Variants in CACNA2D1 observed in about 807,000 individuals in gnomAD.
The protein encoded by CACNA2D1 is voltage-dependent calcium channel subunit alpha-2/delta-1.
CACNA2D1 carries 53 observed loss-of-function variants against 171.5 expected under a neutral mutation model. That is an observed-to-expected ratio of 0.31 (90% CI 0.25 to 0.39). The LOEUF is 0.39. CACNA2D1 is among the 10% of genes least tolerant of loss of function. The pLI is 1.00. For synonymous variants in CACNA2D1, 442 were observed against 443.1 expected, an observed-to-expected ratio of 1.00 and a Z score of 0.03; for missense variants, 903 against 1,299.8, an observed-to-expected ratio of 0.69 and a Z score of 4.69.
In CACNA2D1 at chr7:82,174,169, GAA is replaced by G. The variant is rs5885274; in HGVS notation, c.295-3562_295-3561del. ...TATCCTGTAACAATAACTTACTTCA[GAA>G]AAAAAAAAATAAAAAACAGAACACT... On this transcript the variant is annotated intron_variant, in intron 3 of 38. Transcript: ENST00000356860. Among the ~76,000 whole-genome samples, 11 of 147,346 alleles carry G rather than the reference GAA, an allele frequency of 7.5e-5. No homozygotes were observed. In the East Asian group the frequency reaches 9.9e-4, roughly 13 times the overall value.
At chr7:82,399,703 C>T (rs1383498449) in intron 1 of CACNA2D1, among the ~76,000 whole-genome samples, 2 of 141,502 alleles carry the variant, frequency 1.4e-5, no homozygotes, top group Non-Finnish European at 1.5e-5. Context: ...CCCCCAGCCC[C>T]CACCCCCACC....
chr7:82,331,569 T>C (rs375105929), intron 3 of CACNA2D1, among the ~76,000 whole-genome samples: 3 of 152,334 alleles, frequency 2.0e-5, no homozygotes, highest in East Asian at 3.9e-4. Context: ...TGAAATAAAA[T>C]TGAACTATTC....
chr7:82,185,993 C>A (rs1293074717), intron 3 of CACNA2D1, among the ~76,000 whole-genome samples: 1 of 151,746 alleles, frequency 6.6e-6, no homozygotes, highest in Non-Finnish European at 1.5e-5. Context: ...CCCATCTCTA[C>A]TAATAATACA....
intron 3 of CACNA2D1, among the ~76,000 whole-genome samples, chr7:82,214,681 A>T (rs1049568049): frequency 2.6e-5 from 4 of 152,202 alleles, no homozygotes; most frequent in African/African-American, 9.6e-5. Context: ...AAAGCATTGT[A>T]AATGACTGCA....
chr7:82,348,925 T>G (rs1819552356), intron 2 of CACNA2D1, among the ~76,000 whole-genome samples: 1 of 152,166 alleles, frequency 6.6e-6, no homozygotes, highest in African/African-American at 2.4e-5. Context: ...TACATGTAAA[T>G]GCTCTTACCC....
intron 3 of CACNA2D1, among the ~76,000 whole-genome samples, chr7:82,211,215 A>C (rs2129225277): frequency 6.6e-6 from 1 of 151,988 alleles, no homozygotes; most frequent in South Asian, 2.1e-4. Context: ...TCTTTTTCAA[A>C]TATTATTTTA....
At chr7:82,130,791 C>CT (rs71093363) in intron 5 of CACNA2D1, among the ~76,000 whole-genome samples, 7,244 of 105,492 alleles carry the variant, frequency 0.069, 485 homozygotes, top group African/African-American at 0.092. Context: ...TTGTTTTTGT[C>CT]TTTTTTTTTT....
intron 38 of CACNA2D1, among the ~76,000 whole-genome samples, chr7:81,952,531 T>G (rs1792726040): frequency 1.3e-5 from 2 of 152,184 alleles, no homozygotes; most frequent in South Asian, 4.1e-4. Flanking sequence ...TCATCCTCTT[T>G]GACCTTTCAG....
chr7:82,161,934 G>A (rs977212018), intron 4 of CACNA2D1, among the ~76,000 whole-genome samples: 6 of 152,002 alleles, frequency 3.9e-5, no homozygotes, highest in Non-Finnish European at 7.4e-5. Flanking sequence ...AAAGGAAAAG[G>A]TACCAATAAA....
At chr7:82,002,748 C>T (rs1377210487) in intron 18 of CACNA2D1, among the ~76,000 whole-genome samples, 1 of 151,946 alleles carries the variant, frequency 6.6e-6, no homozygotes, top group Non-Finnish European at 1.5e-5. Flanking sequence ...ATTCAACATA[C>T]GTCAAAATGT....
chr7:81,969,381 T>C (rs868438076), intron 28 of CACNA2D1, among the ~76,000 whole-genome samples: 3 of 151,542 alleles, frequency 2.0e-5, no homozygotes, highest in African/African-American at 4.8e-5. Context: ...TCTCTGAACT[T>C]GTTTCCCCAT....
At chr7:82,365,069 C>T (rs1821528965) in intron 1 of CACNA2D1, among the ~76,000 whole-genome samples, 2 of 151,958 alleles carry the variant, frequency 1.3e-5, no homozygotes, top group South Asian at 4.2e-4. Context: ...ATTCAGATAA[C>T]CCAAAGGAAA....
chr7:82,226,728 T>C (rs1251405759), intron 3 of CACNA2D1, among the ~76,000 whole-genome samples: 1 of 152,246 alleles, frequency 6.6e-6, no homozygotes, highest in African/African-American at 2.4e-5. Context: ...AGATTGATCC[T>C]ATAATATTAG....
At chr7:82,106,909 C>T (rs750298868) in intron 6 of CACNA2D1, among the ~76,000 whole-genome samples, 3 of 152,072 alleles carry the variant, frequency 2.0e-5, no homozygotes, top group Non-Finnish European at 4.4e-5. Flanking sequence ...GGGTTCAATA[C>T]CAAGATTAAC....
rs1267786859 is a variant in CACNA2D1 at position 81,948,753 on chromosome 7, G to A, written c.*1639C>T. The A allele has an allele frequency of 1.3e-5, 2 of 151,752 alleles. No homozygotes were observed. The highest frequency in any genetic ancestry group is 2.9e-5 in the Non-Finnish European group (2 of 67,816). The allele number at this position is 151,752 out of a possible 1,614,324, so 9.4% of individuals were successfully genotyped here. A position where few individuals can be genotyped will look rare whatever the true frequency, so the allele number is the denominator to read the frequency against. On this transcript the variant is annotated 3_prime_UTR_variant, in exon 39 of 39. Transcript: ENST00000356860. ...TTTATCATAAAAAATATCTACATAC[G>A]TTCAGCCTTCAGTAAAATTATTAAC...
intron 1 of CACNA2D1, among the ~76,000 whole-genome samples, chr7:82,359,977 C>T (rs1563426004): frequency 6.6e-6 from 1 of 152,170 alleles, no homozygotes; most frequent in African/African-American, 2.4e-5. Flanking sequence ...TCCTACTTTA[C>T]AGATGAGGAA....
At chr7:82,039,022 A>G (rs1803642498) in intron 10 of CACNA2D1, among the ~76,000 whole-genome samples, 1 of 152,244 alleles carries the variant, frequency 6.6e-6, no homozygotes, top group African/African-American at 2.4e-5. Context: ...AATCCAGGAT[A>G]AGAGGATGAG....
chr7:82,426,439 T>C (rs934483248), intron 1 of CACNA2D1, among the ~76,000 whole-genome samples: 6 of 152,094 alleles, frequency 3.9e-5, no homozygotes, highest in Non-Finnish European at 5.9e-5. Flanking sequence ...CAGATACAAA[T>C]TCTTGAAAAA....
intron 12 of CACNA2D1, among the ~76,000 whole-genome samples, chr7:82,027,325 T>C (rs1046869736): frequency 6.6e-6 from 1 of 151,744 alleles, no homozygotes; most frequent in Admixed American, 6.6e-5. Flanking sequence ...TCATTTAACA[T>C]GGCCTTCTCA....
Sources: gnomAD v4.1 joint callset for allele counts (sites outside exome capture counted in the v4.1 genomes callset) on GRCh38, gnomAD v4.1.1 for gene constraint, MANE v1.5 for transcripts, NCBI Gene and HGNC (gene_info 2026-07-23, HGNC 2026-07-21) for gene names.